The following RAPGEF2 variants were observed in gnomAD, a reference collection of about 807,000 sequenced individuals.
RAPGEF2 encodes Rap guanine nucleotide exchange factor 2, also known as PDZ domain containing guanine nucleotide exchange factor (GEF) 1.
In RAPGEF2, 54 loss-of-function variants were observed where a neutral mutation model predicts 186.7. The ratio of observed to expected loss-of-function variants is 0.29; its 90% CI spans 0.23 to 0.36. The LOEUF (loss-of-function observed/expected upper bound fraction) is 0.36. RAPGEF2 is among the 10% of genes least tolerant of loss of function. The probability of loss-of-function intolerance (pLI) is 1.00; values close to 1 mark genes in which losing one functional copy is unlikely to be tolerated. For missense variants in RAPGEF2, 1,532 were observed against 2,045.0 expected, an observed-to-expected ratio of 0.75 and a Z score of 4.84; for synonymous variants, 712 against 705.9, an observed-to-expected ratio of 1.01 and a Z score of -0.14.
intron 1 of RAPGEF2, among the ~76,000 whole-genome samples, chr4:159,166,577 G>T (rs1745344209): frequency 6.6e-6 from 1 of 152,154 alleles, no homozygotes; most frequent in Non-Finnish European, 1.5e-5. Context: ...AGAGCTTTCT[G>T]CCACTTGAGT....
chr4:159,341,086 G>A (rs879754687), intron 19 of RAPGEF2, among the ~76,000 whole-genome samples: 1 of 152,026 alleles, frequency 6.6e-6, no homozygotes, highest in South Asian at 2.1e-4. Flanking sequence ...TTAGGTATTT[G>A]AATAAATAAG....
Position 159,356,017 on chromosome 4 carries a change from G to T in RAPGEF2, c.4816G>T (p.Ala1606Ser). The T allele has an allele frequency of 6.2e-7, 1 of 1,613,942 alleles. No homozygotes were observed. The highest frequency in any genetic ancestry group is 1.7e-4 in the Middle Eastern group (1 of 6,060). Residue 1606 changes from alanine (A) to serine (S), a missense_variant, in exon 29 of 30, where the codon GCT becomes TCT. Coordinates refer to ENST00000691494, the MANE Select transcript of RAPGEF2 (RefSeq NM_001394067.2). ...GATGGTCGCACGATCCTCCGACACA[G>T]CTGGGCCTTCATCCGTACAGCAGCC... ...SRMVARSSDTAGPSSVQQPHG... is the reference protein window; with the variant it reads ...SRMVARSSDTSGPSSVQQPHG...
intron 3 of RAPGEF2, among the ~76,000 whole-genome samples, chr4:159,206,080 C>T (rs1342657482): frequency 6.6e-6 from 1 of 152,150 alleles, no homozygotes; most frequent in Non-Finnish European, 1.5e-5. Context: ...CTGGCACCGC[C>T]ACCATGCCCG....
At chr4:159,225,448 C>T (rs544210003) in intron 4 of RAPGEF2, among the ~76,000 whole-genome samples, 5 of 152,212 alleles carry the variant, frequency 3.3e-5, no homozygotes, top group African/African-American at 9.6e-5. Flanking sequence ...CGAATATTCA[C>T]GAATGTCTGT....
rs1037343559 is a variant in RAPGEF2 at position 159,350,003 on chromosome 4, C to T, written c.3713-134C>T. 2.8e-5 allele frequency: 15 copies of T among 544,416 alleles called. No individual in the cohort carries two copies. The African/African-American group carries it at 2.9e-4, about 11-fold the overall frequency. The allele number at this position is 544,416 out of a possible 1,614,324, so 33.7% of individuals were successfully genotyped here. On this transcript the variant is annotated intron_variant, in intron 25 of 29. Transcript: ENST00000691494. ...TGTGGACCTTGAAGAGTACAAAGAA[C>T]ATTTAGATTGTAAATAGGTTGAACC... is the stretch of plus-strand genomic sequence containing the variant.
intron 1 of RAPGEF2, among the ~76,000 whole-genome samples, chr4:159,163,985 A>G (rs1240496261): frequency 6.6e-6 from 1 of 152,140 alleles, no homozygotes; most frequent in Non-Finnish European, 1.5e-5. Context: ...AGATAATGAT[A>G]ACATGTATCA....
At chr4:159,312,738 GAA>G (rs1331275095) in intron 8 of RAPGEF2, among the ~76,000 whole-genome samples, 2 of 152,136 alleles carry the variant, frequency 1.3e-5, no homozygotes, top group African/African-American at 2.4e-5. Context: ...CTAAAGAGCA[GAA>G]AATGTGATAA....
chr4:159,348,435 C>A (rs1730712215), intron 25 of RAPGEF2, among the ~76,000 whole-genome samples: 1 of 152,140 alleles, frequency 6.6e-6, no homozygotes, highest in African/African-American at 2.4e-5. Context: ...TGTATCCTCA[C>A]CTCATTCCAT....
chr4:159,335,894 G>A (rs1053792771), intron 17 of RAPGEF2, among the ~76,000 whole-genome samples: 33 of 149,980 alleles, frequency 2.2e-4, no homozygotes, highest in African/African-American at 8.1e-4. Flanking sequence ...AATATTTGTA[G>A]CCTTTTGTGC....
intron 7 of RAPGEF2, among the ~76,000 whole-genome samples, chr4:159,285,653 A>G (rs1215413260): frequency 6.6e-6 from 1 of 152,216 alleles, no homozygotes; most frequent in Non-Finnish European, 1.5e-5. Context: ...CTGTGGGGCT[A>G]CATGTATGTA....
intron 1 of RAPGEF2, among the ~76,000 whole-genome samples, chr4:159,140,567 C>T (rs532817254): frequency 2.0e-5 from 3 of 152,068 alleles, no homozygotes; most frequent in East Asian, 1.9e-4. Flanking sequence ...CCATGGGCTG[C>T]GAAAATAGAG....
chr4:159,284,888 C>CA (rs997747697), intron 7 of RAPGEF2, among the ~76,000 whole-genome samples: 5 of 151,914 alleles, frequency 3.3e-5, no homozygotes, highest in Admixed American at 1.3e-4. Flanking sequence ...TTTGTCTCTA[C>CA]AAAAAAACTG....
At chr4:159,117,296 C>G (rs1739149387) in intron 1 of RAPGEF2, among the ~76,000 whole-genome samples, 1 of 152,192 alleles carries the variant, frequency 6.6e-6, no homozygotes, top group Non-Finnish European at 1.5e-5. Flanking sequence ...TTAGGGCAAA[C>G]ATTTTCTGTG....
rs1180153247 is a variant in RAPGEF2 at position 159,338,315 on chromosome 4, A to G, written c.2140A>G (p.Ile714Val). 4 of 1,610,318 alleles carry G rather than the reference A, an allele frequency of 2.5e-6. No homozygotes were observed. Among genetic ancestry groups the G allele is most frequent in the Non-Finnish European group, 3.4e-6 (4 of 1,177,924 alleles). The part of the protein sequence containing the change: ...SILPQKPYND[I>V]GIGQSQDDSI... ...CTAATTTTCCTCTTTGTTCAGTGATATTGGGATTGGTCAGTCTCAAGATGA... is the reference window on the plus strand; with the variant it reads ...CTAATTTTCCTCTTTGTTCAGTGATGTTGGGATTGGTCAGTCTCAAGATGA... Residue 714 changes from isoleucine (I) to valine (V), a missense_variant, in exon 18 of 30, where the codon ATT (isoleucine) becomes GTT (valine). Ile to Val is a conservative substitution (Grantham distance 29). Coordinates refer to ENST00000691494, the MANE Select transcript of RAPGEF2 (RefSeq NM_001394067.2).
intron 3 of RAPGEF2, among the ~76,000 whole-genome samples, chr4:159,200,524 G>A (rs1749291932): frequency 6.6e-6 from 1 of 151,970 alleles, no homozygotes; most frequent in South Asian, 2.1e-4. Flanking sequence ...TGAGCCTATA[G>A]AATATCTGGC....
chr4:159,110,565 C>T (rs58163948), intron 1 of RAPGEF2, among the ~76,000 whole-genome samples: 2,718 of 152,138 alleles, frequency 0.018, 86 homozygotes, highest in African/African-American at 0.061. Flanking sequence ...GTAACAAGAG[C>T]GAAACCCCAT....
rs983492148 is a variant in RAPGEF2 at position 159,154,821 on chromosome 4, C to T, written c.70-31821C>T. ...CCCTTCCCGTGTTACTATACTGCTT[C>T]TTATGAATTCTATATTAGGCCAAGT... On this transcript the variant is annotated intron_variant, in intron 1 of 29. Transcript: ENST00000691494. Among the ~76,000 whole-genome samples the T allele has an allele frequency of 3.9e-5, 6 of 152,206 alleles. No homozygotes were observed. The South Asian group carries it at 1.2e-3, about 32-fold the overall frequency.
At chr4:159,266,414 T>A (rs1209542797) in intron 7 of RAPGEF2, among the ~76,000 whole-genome samples, 1 of 152,254 alleles carries the variant, frequency 6.6e-6, no homozygotes, top group Non-Finnish European at 1.5e-5. Flanking sequence ...AACCTGATTG[T>A]GAAAAGCTGA....
intron 1 of RAPGEF2, among the ~76,000 whole-genome samples, chr4:159,108,756 A>G (rs574787851): frequency 3.9e-4 from 60 of 152,160 alleles, no homozygotes; most frequent in Non-Finnish European, 7.9e-4. Context: ...CGAGATATAT[A>G]TATTTGGAAT....
Sources: allele counts gnomAD v4.1 joint callset (sites outside exome capture counted in the v4.1 genomes callset), GRCh38; gene constraint gnomAD v4.1.1; transcripts MANE v1.5; gene names NCBI Gene and HGNC (gene_info 2026-07-23, HGNC 2026-07-21).